MAP1LC3B: variants seen among roughly 807,000 people sequenced by gnomAD.
MAP1LC3B encodes microtubule associated protein 1 light chain 3 beta.
Under a neutral mutation model 16.7 loss-of-function variants are expected in MAP1LC3B, and 12 were observed. The ratio of observed to expected loss-of-function variants is 0.72; its 90% CI spans 0.46 to 1.16. MAP1LC3B has a LOEUF of 1.16. MAP1LC3B is among the 50% of genes most tolerant of loss of function. The probability of loss-of-function intolerance (pLI) is 0.00; values close to 1 mark genes in which losing one functional copy is unlikely to be tolerated. For missense variants in MAP1LC3B, 155 were observed against 159.5 expected, an observed-to-expected ratio of 0.97 and a Z score of 0.15; for synonymous variants, 63 against 56.5, an observed-to-expected ratio of 1.11 and a Z score of -0.51.
At chr16:87,399,337 C>G in intron 2 of MAP1LC3B, 1 of 269,790 alleles carries the variant, frequency 3.7e-6, no homozygotes, top group Non-Finnish European at 7.4e-6. Flanking sequence ...TGTACTGCCT[C>G]TAATTTCTGC....
chr16:87,393,875 G>T (rs943200524), intron 1 of MAP1LC3B, among the ~76,000 whole-genome samples: 20 of 152,206 alleles, frequency 1.3e-4, no homozygotes, highest in African/African-American at 4.3e-4. Context: ...CCTGGCTTCT[G>T]TTTTCACCAA....
intron 1 of MAP1LC3B, 42 bp downstream of exon 1, chr16:87,392,509 G>T: frequency 7.7e-7 from 1 of 1,291,572 alleles, no homozygotes; most frequent in Non-Finnish European, 9.8e-7. Context: ...CGGGGCCGGG[G>T]TCCGAGCTGT....
At position 87,402,934 on chromosome 16, in the gene MAP1LC3B, A is replaced by G. The variant is rs747037162; in HGVS notation, c.215A>G (p.Gln72Arg). Reference sequence around the variant, plus strand: ...TTTTCTTTCAATAGAAGGCGCTTACAGCTCAATGCTAATCAGGCCTTCTTC... The same window carrying G: ...TTTTCTTTCAATAGAAGGCGCTTACGGCTCAATGCTAATCAGGCCTTCTTC... ...ELIKIIRRRL[Q>R]LNANQAFFLL... The change falls in exon 4 of 4, where the codon CAG becomes CGG. Residue 72 changes from glutamine (Q) to arginine (R), a missense_variant. Coordinates refer to ENST00000268607, the MANE Select transcript of MAP1LC3B (RefSeq NM_022818.5). The G allele has an allele frequency of 2.5e-6, 4 of 1,613,684 alleles. No individual in the cohort carries two copies. In the African/African-American group the frequency reaches 5.3e-5, roughly 22 times the overall value.
chr16:87,404,057 A>G lies in MAP1LC3B; in HGVS notation c.*960A>G, dbSNP rs1908089666. The G allele has an allele frequency of 6.6e-6, 1 of 152,238 alleles. No homozygotes were observed. Among genetic ancestry groups the G allele is most frequent in the Admixed American group, 6.5e-5 (1 of 15,282 alleles). The allele number at this position is 152,238 out of a possible 1,614,324, so 9.4% of individuals were successfully genotyped here. ...TTTTTTAATGTTAAATGTGTAACTC[A>G]GTATTACTGAAAAGGTACCCACATT... is the stretch of plus-strand genomic sequence containing the variant. On this transcript the variant is annotated 3_prime_UTR_variant, in exon 4 of 4. Transcript: ENST00000268607.
At position 87,397,954 on chromosome 16, in the gene MAP1LC3B, C is replaced by T. The variant is rs560633636; in HGVS notation, c.41-861C>T. ...ACTGGACTTGGCTTGTTTTTTTTTC[C>T]CTGTATTGCCCACAGTCTAGTACAG... On this transcript the variant is annotated intron_variant, in intron 1 of 3. Transcript: ENST00000268607. Among the ~76,000 whole-genome samples the T allele has an allele frequency of 2.2e-3, 340 of 151,198 alleles. 1 individual carries two copies. Among genetic ancestry groups the T allele is most frequent in the African/African-American group, 7.8e-3 (321 of 41,170 alleles).
At position 87,403,270 on chromosome 16, in the gene MAP1LC3B, T is replaced by C. The variant is rs950724183; in HGVS notation, c.*173T>C. 6.2e-5 allele frequency: 35 copies of C among 560,444 alleles called. No individual in the cohort carries two copies. The highest frequency in any genetic ancestry group is 5.3e-5 in the Non-Finnish European group (17 of 317,758). 34.7% of individuals were successfully genotyped at this position (560,444 alleles called of 1,614,324 possible). A position where few individuals can be genotyped will look rare whatever the true frequency, so the allele number is the denominator to read the frequency against. ...TGTGTTTCAAGCAGAAAAACTGAGC[T>C]CCAAGTGAGCACATTCAGCTTTGGA... On this transcript the variant is annotated 3_prime_UTR_variant, in exon 4 of 4. Transcript: ENST00000268607.
At chr16:87,398,762 G>A (rs1052470423) in intron 1 of MAP1LC3B, 53 bp from the exon 2 acceptor site, 182 of 1,542,890 alleles carry the variant, frequency 1.2e-4, no homozygotes, top group Non-Finnish European at 1.6e-4. Flanking sequence ...AGCAGTGCTG[G>A]GAAGAAGCTG....
In MAP1LC3B at chr16:87,392,337, G is replaced by C. The variant is rs1049173282; in HGVS notation, c.-91G>C. On this transcript the variant is annotated 5_prime_UTR_variant, in exon 1 of 4. Transcript: ENST00000268607. ...GATACAAGGGAAGTGGCTATCGCCAGAGTCGGATTCGCCGCCGCAGCAGCC... is the reference window on the plus strand; with the variant it reads ...GATACAAGGGAAGTGGCTATCGCCACAGTCGGATTCGCCGCCGCAGCAGCC... 43 of 1,280,878 alleles carry C rather than the reference G, an allele frequency of 3.4e-5. No homozygotes were observed. In the African/African-American group the frequency reaches 5.2e-4, roughly 16 times the overall value. The allele number at this position is 1,280,878 out of a possible 1,614,324, so 79.3% of individuals were successfully genotyped here.
At chr16:87,396,559 T>G (rs1028095015) in intron 1 of MAP1LC3B, 2 of 152,174 alleles carry the variant, frequency 1.3e-5, no homozygotes, top group African/African-American at 4.8e-5. Context: ...TGTGAAACAT[T>G]CCAGGATATA....
chr16:87,393,193 TG>T (rs780184505), intron 1 of MAP1LC3B: 1 of 152,264 alleles, frequency 6.6e-6, no homozygotes, highest in Non-Finnish European at 1.5e-5. Context: ...CGGTTCAGAC[TG>T]GAAACCCAGC....
chr16:87,403,431 T>C lies in MAP1LC3B; in HGVS notation c.*334T>C, dbSNP rs1042578844. On this transcript the variant is annotated 3_prime_UTR_variant, in exon 4 of 4. Coordinates refer to ENST00000268607, the MANE Select transcript of MAP1LC3B (RefSeq NM_022818.5). ...CTCTTTTCTCACTAATAGGAACTTG[T>C]AATTCCAGCAGTAATTTAAAGGCTT... 2.0e-5 allele frequency: 4 copies of C among 197,940 alleles called. No individual in the cohort carries two copies. The highest frequency in any genetic ancestry group is 7.1e-5 in the African/African-American group (3 of 42,026). 12.3% of individuals were successfully genotyped at this position (197,940 alleles called of 1,614,324 possible). A position where few individuals can be genotyped will look rare whatever the true frequency, so the allele number is the denominator to read the frequency against.
rs746351256 is a variant in MAP1LC3B, at chr16:87,402,321, G to A, written c.203+40G>A. Reference sequence around the variant, plus strand: ...TTGTTTCATAATATATTTCCTTTGAGTAACTTCTTATTCTTTATGAAACTT... The same window carrying A: ...TTGTTTCATAATATATTTCCTTTGAATAACTTCTTATTCTTTATGAAACTT... On this transcript the variant is annotated intron_variant, in intron 3 of 3. Coordinates refer to ENST00000268607, the MANE Select transcript of MAP1LC3B (RefSeq NM_022818.5). 17 of 1,562,466 alleles carry A rather than the reference G, an allele frequency of 1.1e-5. No individual in the cohort carries two copies. In the South Asian group the frequency reaches 1.6e-4, roughly 15 times the overall value.
intron 2 of MAP1LC3B, chr16:87,399,887 C>T (rs1907927247): frequency 4.3e-6 from 1 of 234,584 alleles, no homozygotes. Flanking sequence ...GATTCTCCTG[C>T]CTCAGCCTCC....
intron 1 of MAP1LC3B, among the ~76,000 whole-genome samples, chr16:87,397,738 G>C (rs1258173890): frequency 6.6e-6 from 1 of 151,934 alleles, no homozygotes; most frequent in Admixed American, 6.6e-5. Context: ...TCGTGACATT[G>C]ATTATTTATT....
chr16:87,392,647 G>C, intron 1 of MAP1LC3B, 180 bp downstream of exon 1: 2 of 437,556 alleles, frequency 4.6e-6, no homozygotes, highest in Non-Finnish European at 6.5e-6. Flanking sequence ...GACCCAGGCC[G>C]GGACCGAGCC....
chr16:87,402,739 T>C (rs1908039509), intron 3 of MAP1LC3B, 184 bp from the exon 4 acceptor site: 1 of 723,800 alleles, frequency 1.4e-6, no homozygotes, highest in Non-Finnish European at 2.2e-6. Flanking sequence ...ATGTAATCTT[T>C]CAGTGATTAT....
At position 87,404,291 on chromosome 16, in the gene MAP1LC3B, G is replaced by T. The variant is rs1406567632; in HGVS notation, c.*1194G>T. On this transcript the variant is annotated 3_prime_UTR_variant, in exon 4 of 4. Coordinates refer to ENST00000268607, the MANE Select transcript of MAP1LC3B (RefSeq NM_022818.5). ...GGGGTTCACTATTTATAGTTTTCTT[G>T]GGAGTATCACAGGAAAATCACAATT... 1 of 152,152 alleles carries T rather than the reference G, an allele frequency of 6.6e-6. No homozygotes were observed. The highest frequency in any genetic ancestry group is 1.5e-5 in the Non-Finnish European group (1 of 68,032). 9.4% of individuals were successfully genotyped at this position (152,152 alleles called of 1,614,324 possible).
chr16:87,402,666 C>T (rs1908036109), intron 3 of MAP1LC3B: 5 of 562,054 alleles, frequency 8.9e-6, no homozygotes, highest in Admixed American at 3.3e-5. Flanking sequence ...ATTTGAACTG[C>T]TTTCTTATAT....
chr16:87,394,087 G>A lies in MAP1LC3B; in HGVS notation c.40+1620G>A, dbSNP rs781222604. ...GAACCTAAAAGTGGCCCTGAGGGTA[G>A]ACCAGCAATAATGCCCCATTTTTTT... On this transcript the variant is annotated intron_variant, in intron 1 of 3. Coordinates refer to ENST00000268607, the MANE Select transcript of MAP1LC3B (RefSeq NM_022818.5). Among the ~76,000 whole-genome samples, 19 of 152,254 alleles carry A rather than the reference G, an allele frequency of 1.2e-4. No homozygotes were observed. In the Middle Eastern group the frequency reaches 0.014, roughly 109 times the overall value.
Sources: gnomAD v4.1 joint callset for allele counts (sites outside exome capture counted in the v4.1 genomes callset) on GRCh38, gnomAD v4.1.1 for gene constraint, MANE v1.5 for transcripts, NCBI Gene and HGNC (gene_info 2026-07-23, HGNC 2026-07-21) for gene names.